USP3: variants seen among roughly 807,000 people sequenced by gnomAD.
USP3 encodes ubiquitin specific peptidase 3, also known as ubiquitin carboxyl-terminal hydrolase 3.
In USP3, 20 loss-of-function variants were observed where a neutral mutation model predicts 72.3. The observed-to-expected ratio is 0.28, with a 90% CI of 0.19 to 0.40. USP3 has a LOEUF of 0.40. USP3 is among the 10% of genes least tolerant of loss of function. USP3 has a pLI of 1.00. For synonymous variants in USP3, 222 were observed against 225.3 expected, an observed-to-expected ratio of 0.99 and a Z score of 0.13; for missense variants, 479 against 633.9, an observed-to-expected ratio of 0.76 and a Z score of 2.62.
intron 1 of USP3, among the ~76,000 whole-genome samples, chr15:63,526,513 C>T (rs1567095516): frequency 6.6e-6 from 1 of 152,176 alleles, no homozygotes; most frequent in Non-Finnish European, 1.5e-5. Flanking sequence ...GCTTAAAAAA[C>T]ATATCCTAGA....
intron 11 of USP3, among the ~76,000 whole-genome samples, chr15:63,585,800 A>T (rs1453458636): frequency 1.5e-4 from 21 of 135,692 alleles, no homozygotes; most frequent in Admixed American, 2.9e-4. Context: ...TGTGTCTAGA[A>T]TTTTTTTTTT....
At chr15:63,523,993 A>T (rs1184916400) in intron 1 of USP3, among the ~76,000 whole-genome samples, 1 of 152,238 alleles carries the variant, frequency 6.6e-6, no homozygotes, top group African/African-American at 2.4e-5. Context: ...TTTCTTAAGA[A>T]TCTTTACCTA....
intron 3 of USP3, among the ~76,000 whole-genome samples, chr15:63,542,513 A>G (rs899374629): frequency 2.0e-5 from 3 of 152,084 alleles, no homozygotes; most frequent in Admixed American, 6.5e-5. Context: ...CTAACCCAGT[A>G]AGCTATCAAA....
intron 9 of USP3, among the ~76,000 whole-genome samples, chr15:63,571,507 T>C (rs1448919488): frequency 6.6e-6 from 1 of 152,204 alleles, no homozygotes; most frequent in African/African-American, 2.4e-5. Flanking sequence ...GAATCCAATA[T>C]AGAAAGGGAA....
intron 11 of USP3, among the ~76,000 whole-genome samples, chr15:63,579,937 TC>T (rs2152681241): frequency 6.6e-6 from 1 of 152,312 alleles, no homozygotes; most frequent in East Asian, 1.9e-4. Context: ...TTGTTATAAG[TC>T]TAAATTGGCA....
At chr15:63,525,886 G>C (rs772414076) in intron 1 of USP3, among the ~76,000 whole-genome samples, 1 of 152,152 alleles carries the variant, frequency 6.6e-6, no homozygotes, top group Admixed American at 6.5e-5. Context: ...CTTTCACGAT[G>C]TATGTGTGTG....
chr15:63,585,635 A>G (rs139031005), intron 11 of USP3, among the ~76,000 whole-genome samples: 80 of 152,276 alleles, frequency 5.3e-4, no homozygotes, highest in African/African-American at 1.8e-3. Context: ...ATGAAGTCCA[A>G]CTTATAAATC....
At chr15:63,577,922 C>G (rs1275164860) in intron 11 of USP3, among the ~76,000 whole-genome samples, 1 of 98,686 alleles carries the variant, frequency 1.0e-5, no homozygotes, top group Non-Finnish European at 2.2e-5. Context: ...GAGTGAGACC[C>G]TGCCTCAAAA....
At chr15:63,566,957 C>T (rs543801949) in intron 8 of USP3, among the ~76,000 whole-genome samples, 1 of 152,186 alleles carries the variant, frequency 6.6e-6, no homozygotes, top group South Asian at 2.1e-4. Context: ...ACCTAAAATT[C>T]TAACATATCT....
intron 11 of USP3, among the ~76,000 whole-genome samples, chr15:63,586,333 T>C (rs763214435): frequency 1.2e-4 from 18 of 152,242 alleles, no homozygotes; most frequent in Admixed American, 5.2e-4. Flanking sequence ...CTTTGTCATG[T>C]TGAAGTTCTC....
chr15:63,556,916 GACCCCA>G, intron 5 of USP3, 168 bp downstream of exon 5: 1 of 546,880 alleles, frequency 1.8e-6, no homozygotes, highest in Non-Finnish European at 3.3e-6. Context: ...TTGTTGCCGT[GACCCCA>G]GTGAGTCCAT....
At chr15:63,536,916 G>C in intron 2 of USP3, 109 bp from the exon 3 acceptor site, 3 of 1,195,222 alleles carry the variant, frequency 2.5e-6, no homozygotes, top group Non-Finnish European at 3.5e-6. Flanking sequence ...ATTGACTGCT[G>C]TTATAGGATT....
At chr15:63,541,184 C>T (rs548096934) in intron 3 of USP3, among the ~76,000 whole-genome samples, 7 of 151,988 alleles carry the variant, frequency 4.6e-5, no homozygotes, top group Non-Finnish European at 8.8e-5. Flanking sequence ...TCCTTCAGGG[C>T]AGGTAATGTT....
At position 63,591,819 on chromosome 15, in the gene USP3, C is replaced by A. The variant is rs1222876480; in HGVS notation, c.*993C>A. 6.6e-6 allele frequency: 1 copy of A among 152,204 alleles called. No individual in the cohort carries two copies. The highest frequency in any genetic ancestry group is 1.5e-5 in the Non-Finnish European group (1 of 68,048). The allele number at this position is 152,204 out of a possible 1,614,324, so 9.4% of individuals were successfully genotyped here. A position where few individuals can be genotyped will look rare whatever the true frequency, so the allele number is the denominator to read the frequency against. ...TCCACAGGAGGAAATTTAGAATCTT[C>A]GCTGCTCTGGGTTTTAACACCTCTC... On this transcript the variant is annotated 3_prime_UTR_variant, in exon 15 of 15. Coordinates refer to ENST00000380324, the MANE Select transcript of USP3 (RefSeq NM_006537.4).
rs34776764 is a variant in USP3 at position 63,574,385 on chromosome 15, C to A, written c.1078C>A (p.Pro360Thr). 4.4e-3 allele frequency: 7,096 copies of A among 1,603,716 alleles called. 271 individuals carry two copies. The African/African-American group carries it at 0.084, about 19-fold the overall frequency. ...SKRSKNQENG[P>T]VCSLRDCLRS... is the part of the protein sequence containing the mutation. ...GCGCTCTAAGAATCAAGAAAATGGA[C>A]CAGTTTGTTCGTTACGAGGTAAAGA... The change falls in exon 11 of 15, where the codon CCA becomes ACA. Residue 360 changes from proline to threonine, a missense_variant. Transcript: ENST00000380324. This position sits in a 1 kb window ranked among gnomAD's most constrained non-coding sequence, Gnocchi z 4.6.
rs565651294 is a variant in USP3 at position 63,572,205 on chromosome 15, C to G, written c.908+1626C>G. 9.3e-4 allele frequency among the ~76,000 whole-genome samples: 141 copies of G among 152,236 alleles called. 1 individual carries two copies. The highest frequency in any genetic ancestry group is 3.2e-3 in the African/African-American group (134 of 41,534). On this transcript the variant is annotated intron_variant, in intron 9 of 14. Coordinates refer to ENST00000380324, the MANE Select transcript of USP3 (RefSeq NM_006537.4). ...GAAACTTAATATTAAACATGTCAGG[C>G]AGCTAAAATCTTGATGAGTATCCAT...
At chr15:63,534,937 T>TTTATTTAC (rs1555444763) in intron 2 of USP3, among the ~76,000 whole-genome samples, 16 of 151,868 alleles carry the variant, frequency 1.1e-4, no homozygotes, top group Admixed American at 5.9e-4. Flanking sequence ...TATTTATTTA[T>TTTATTTAC]TTATTTACTT....
intron 8 of USP3, among the ~76,000 whole-genome samples, chr15:63,568,929 T>C (rs529745023): frequency 6.6e-6 from 1 of 152,298 alleles, no homozygotes; most frequent in African/African-American, 2.4e-5. Context: ...CATTTTGATA[T>C]AAGAAAATCA....
chr15:63,508,348 A>G (rs530229823), intron 1 of USP3, among the ~76,000 whole-genome samples: 1 of 152,308 alleles, frequency 6.6e-6, no homozygotes, highest in African/African-American at 2.4e-5. Flanking sequence ...GGTTTTTGAA[A>G]TGTATTAGCT....
Sources: allele counts gnomAD v4.1 joint callset (sites outside exome capture counted in the v4.1 genomes callset), GRCh38; gene constraint gnomAD v4.1.1; non-coding constraint Gnocchi (gnomAD v3.1); transcripts MANE v1.5; gene names NCBI Gene and HGNC (gene_info 2026-07-23, HGNC 2026-07-21).